The following FTCDNL1 variants were observed in gnomAD, a reference collection of about 807,000 sequenced individuals.
FTCDNL1 encodes formiminotransferase cyclodeaminase N-terminal like, also known as formiminotransferase N-terminal subdomain-containing protein.
A neutral mutation model predicts 5.9 loss-of-function variants in FTCDNL1; 11 were observed. The observed-to-expected ratio is 1.87, with a 90% CI of 1.18 to 3.10. FTCDNL1 has a LOEUF of 3.10. Among genes scored for constraint, FTCDNL1 ranks in the 30% most tolerant of loss-of-function variants. The probability of loss-of-function intolerance (pLI) is 0.00; values close to 1 mark genes in which losing one functional copy is unlikely to be tolerated. For missense variants in FTCDNL1, 115 were observed against 65.5 expected, an observed-to-expected ratio of 1.76 and a Z score of -2.61; for synonymous variants, 58 against 24.8, an observed-to-expected ratio of 2.34 and a Z score of -3.99.
chr2:199,744,104 T>C, the FTCDNL1 span, among the ~76,000 whole-genome samples: 803 of 152,224 alleles, frequency 5.3e-3, 35 homozygotes, highest in East Asian at 0.13. Context: ...ACCCCCTTAA[T>C]ACCTGAGAAA....
At chr2:199,686,593 A>G in the FTCDNL1 span, among the ~76,000 whole-genome samples, 1 of 152,196 alleles carries the variant, frequency 6.6e-6, no homozygotes, top group South Asian at 2.1e-4. Flanking sequence ...CTTTGAAAAT[A>G]ACAATTTATT....
downstream of FTCDNL1, among the ~76,000 whole-genome samples, chr2:199,809,263 T>C (rs1424142747): frequency 6.6e-6 from 1 of 151,954 alleles, no homozygotes; most frequent in Non-Finnish European, 1.5e-5. Context: ...TTTTTAACTT[T>C]TTTTTTTCTA....
At chr2:199,826,453 T>C (rs557696630) in intron 3 of FTCDNL1, among the ~76,000 whole-genome samples, 1 of 141,268 alleles carries the variant, frequency 7.1e-6, no homozygotes, top group East Asian at 2.1e-4. Flanking sequence ...AACCTTTCTC[T>C]AAATCACCAA....
the FTCDNL1 span, among the ~76,000 whole-genome samples, chr2:199,693,472 T>G: frequency 6.6e-6 from 1 of 152,202 alleles, no homozygotes; most frequent in Non-Finnish European, 1.5e-5. Flanking sequence ...CTGTGATAAG[T>G]GCATTGAGTG....
the FTCDNL1 span, among the ~76,000 whole-genome samples, chr2:199,710,921 G>T: frequency 6.6e-6 from 1 of 152,154 alleles, no homozygotes; most frequent in African/African-American, 2.4e-5. Context: ...GACAAGAAGT[G>T]AGTGCTATGT....
the FTCDNL1 span, among the ~76,000 whole-genome samples, chr2:199,677,517 A>G: frequency 1.3e-5 from 2 of 152,224 alleles, no homozygotes; most frequent in Non-Finnish European, 2.9e-5. Context: ...AAAGTAGTTT[A>G]GAGGAAGTTG....
downstream of FTCDNL1, among the ~76,000 whole-genome samples, chr2:199,806,555 T>A (rs1049496072): frequency 6.6e-6 from 1 of 152,234 alleles, no homozygotes; most frequent in African/African-American, 2.4e-5. Flanking sequence ...TGGTCCTTTG[T>A]TGACCACGGA....
At chr2:199,706,782 AC>A in the FTCDNL1 span, among the ~76,000 whole-genome samples, 31 of 152,092 alleles carry the variant, frequency 2.0e-4, no homozygotes, top group African/African-American at 6.5e-4. Flanking sequence ...CTTCAAGGCC[AC>A]CCCTGAATGT....
chr2:199,758,234 T>A (rs537027403), downstream of FTCDNL1, among the ~76,000 whole-genome samples: 13 of 151,792 alleles, frequency 8.6e-5, no homozygotes, highest in East Asian at 1.9e-4. Flanking sequence ...AAAAAAAAAA[T>A]TTTCAGACAT....
At chr2:199,762,046 C>T (rs558347134) in intron 3 of FTCDNL1, among the ~76,000 whole-genome samples, 1 of 151,778 alleles carries the variant, frequency 6.6e-6, no homozygotes, top group Non-Finnish European at 1.5e-5. Flanking sequence ...TAACGATAGC[C>T]GATGAGAAAA....
intron 3 of FTCDNL1, among the ~76,000 whole-genome samples, chr2:199,779,011 A>G (rs1271619359): frequency 2.0e-5 from 3 of 152,234 alleles, no homozygotes; most frequent in Non-Finnish European, 2.9e-5. Flanking sequence ...CCATCAGATT[A>G]TAATTGATAG....
At chr2:199,744,445 C>CAG in the FTCDNL1 span, among the ~76,000 whole-genome samples, 341 of 151,340 alleles carry the variant, frequency 2.3e-3, 1 homozygote, top group Admixed American at 3.5e-3. Flanking sequence ...CACACACACA[C>CAG]AGAGAGAGAG....
chr2:199,812,921 T>C lies in FTCDNL1; in HGVS notation c.398-197A>G, dbSNP rs563523160. Among the ~76,000 whole-genome samples the C allele has an allele frequency of 6.6e-5, 10 of 152,364 alleles. 1 individual carries two copies. The South Asian group carries it at 1.9e-3, about 28-fold the overall frequency. Reference sequence around the variant, plus strand: ...TGATGTCTTCCTGACAATTCTGTTATTTTCTTGTGTGGAAACACTGTATTT... The same window carrying C: ...TGATGTCTTCCTGACAATTCTGTTACTTTCTTGTGTGGAAACACTGTATTT... On this transcript the variant is annotated intron_variant, in intron 4 of 4. Transcript: ENST00000420128.
the FTCDNL1 span, among the ~76,000 whole-genome samples, chr2:199,671,004 T>C: frequency 2.0e-5 from 3 of 152,148 alleles, no homozygotes; most frequent in Non-Finnish European, 4.4e-5. Flanking sequence ...GCTGCCCAGA[T>C]GGCTCTTGCC....
At chr2:199,719,122 T>C in the FTCDNL1 span, among the ~76,000 whole-genome samples, 1 of 152,102 alleles carries the variant, frequency 6.6e-6, no homozygotes, top group African/African-American at 2.4e-5. Context: ...TCTAGATCAG[T>C]GTGCAGAAGA....
At chr2:199,775,992 C>A (rs991437903) in intron 3 of FTCDNL1, among the ~76,000 whole-genome samples, 1 of 149,914 alleles carries the variant, frequency 6.7e-6, no homozygotes, top group African/African-American at 2.5e-5. Flanking sequence ...CAGCTCACTG[C>A]AAGCTCCACC....
intron 3 of FTCDNL1, among the ~76,000 whole-genome samples, chr2:199,777,082 C>A (rs1003135082): frequency 4.0e-5 from 6 of 151,452 alleles, no homozygotes; most frequent in African/African-American, 1.5e-4. Context: ...CACCAGAGGT[C>A]AGGAGTTCGA....
At chr2:199,713,324 G>T in the FTCDNL1 span, among the ~76,000 whole-genome samples, 661 of 151,386 alleles carry the variant, frequency 4.4e-3, 4 homozygotes, top group Middle Eastern at 6.8e-3. Context: ...ATTTTTTTTT[G>T]AAGACATTGG....
intron 3 of FTCDNL1, among the ~76,000 whole-genome samples, chr2:199,767,829 T>C (rs1030906299): frequency 6.6e-6 from 1 of 152,226 alleles, no homozygotes; most frequent in Non-Finnish European, 1.5e-5. Flanking sequence ...TAGGTTTCTG[T>C]TATTATATAT....
Sources: gnomAD v4.1 joint callset for allele counts (sites outside exome capture counted in the v4.1 genomes callset) on GRCh38, gnomAD v4.1.1 for gene constraint, MANE v1.5 for transcripts, NCBI Gene and HGNC (gene_info 2026-07-23, HGNC 2026-07-21) for gene names.